Variants in CAMTA1 observed in about 807,000 individuals in gnomAD.
CAMTA1 encodes calmodulin-binding transcription activator 1.
Under a neutral mutation model 170.9 loss-of-function variants are expected in CAMTA1, and 27 were observed. That is an observed-to-expected ratio of 0.16 (90% confidence interval 0.12 to 0.22). The LOEUF (loss-of-function observed/expected upper bound fraction) is 0.22, where lower values mean the gene tolerates loss of function less well. Ranked by LOEUF, CAMTA1 falls within the 10% of genes least tolerant of loss-of-function variation. The pLI is 1.00. For missense variants in CAMTA1, 1,619 were observed against 2,217.2 expected, an observed-to-expected ratio of 0.73 and a Z score of 5.42; for synonymous variants, 833 against 891.5, an observed-to-expected ratio of 0.93 and a Z score of 1.17.
At chr1:7,331,374 C>T (rs1574729478) in intron 5 of CAMTA1, among the ~76,000 whole-genome samples, 1 of 152,122 alleles carries the variant, frequency 6.6e-6, no homozygotes, top group Non-Finnish European at 1.5e-5. Flanking sequence ...GTCTCAGGAC[C>T]CCTTTATACG....
At chr1:6,963,665 C>T (rs1193626211) in intron 3 of CAMTA1, among the ~76,000 whole-genome samples, 4 of 152,188 alleles carry the variant, frequency 2.6e-5, no homozygotes, top group African/African-American at 9.6e-5. Flanking sequence ...TGCACCTGTC[C>T]GCTCTCCGAC....
intron 3 of CAMTA1, among the ~76,000 whole-genome samples, chr1:6,859,199 T>C (rs1393917908): frequency 1.4e-5 from 2 of 146,858 alleles, no homozygotes; most frequent in Non-Finnish European, 2.9e-5. Flanking sequence ...GTAAATCGCG[T>C]GTGTGTTGTA....
chr1:7,202,022 C>G (rs1216060642), intron 4 of CAMTA1, among the ~76,000 whole-genome samples: 3 of 152,182 alleles, frequency 2.0e-5, no homozygotes, highest in Admixed American at 6.5e-5. Flanking sequence ...TTAACTCTTT[C>G]ATTTAGCTCT....
chr1:7,199,034 G>A (rs1656116031), intron 4 of CAMTA1, among the ~76,000 whole-genome samples: 1 of 152,204 alleles, frequency 6.6e-6, no homozygotes, highest in Admixed American at 6.5e-5. Context: ...CCTCCCAGGA[G>A]GGCAGAGGTG....
intron 3 of CAMTA1, among the ~76,000 whole-genome samples, chr1:7,037,430 G>A (rs1443970539): frequency 2.0e-5 from 3 of 152,194 alleles, no homozygotes; most frequent in East Asian, 1.9e-4. Flanking sequence ...GAATCAACGA[G>A]GCATTTGTTC....
At chr1:7,157,635 G>A (rs1349117336) in intron 4 of CAMTA1, among the ~76,000 whole-genome samples, 1 of 152,158 alleles carries the variant, frequency 6.6e-6, no homozygotes, top group Non-Finnish European at 1.5e-5. Flanking sequence ...AAAGTACCTG[G>A]CAGTTTCTTA....
At chr1:7,204,053 T>C (rs1412871731) in intron 4 of CAMTA1, among the ~76,000 whole-genome samples, 7 of 151,940 alleles carry the variant, frequency 4.6e-5, no homozygotes, top group Non-Finnish European at 1.0e-4. Context: ...TTAGCCAAGA[T>C]GGTCTCGATC....
chr1:6,845,647 C>T (rs1570825917), intron 3 of CAMTA1, among the ~76,000 whole-genome samples: 1 of 152,200 alleles, frequency 6.6e-6, no homozygotes, highest in Non-Finnish European at 1.5e-5. Flanking sequence ...AGTGCTGCTT[C>T]TTGGAGATAT....
intron 1 of CAMTA1, among the ~76,000 whole-genome samples, chr1:6,799,595 A>G (rs149882873): frequency 1.6e-4 from 24 of 152,278 alleles, no homozygotes; most frequent in Non-Finnish European, 2.4e-4. Flanking sequence ...CTCTTATGTA[A>G]TGAGATAGTT....
intron 3 of CAMTA1, among the ~76,000 whole-genome samples, chr1:6,995,284 T>TTTTTTC (rs1421844424): frequency 7.0e-6 from 1 of 143,300 alleles, no homozygotes. Flanking sequence ...TTAAAATCTT[T>TTTTTTC]TTTTTCTTTT....
At chr1:6,820,291 G>A (rs750298648) in intron 2 of CAMTA1, 41 bp downstream of exon 2, 69 of 1,610,258 alleles carry the variant, frequency 4.3e-5, no homozygotes, top group Non-Finnish European at 5.5e-5. Context: ...GAAGGGGTGG[G>A]CTTGGCAGTG....
chr1:6,875,202 C>A (rs1407166624), intron 3 of CAMTA1, among the ~76,000 whole-genome samples: 4 of 152,190 alleles, frequency 2.6e-5, no homozygotes, highest in Admixed American at 2.0e-4. Flanking sequence ...GAGCTGCAAA[C>A]CTGGCTGAGC....
chr1:7,000,965 A>G (rs893038680), intron 3 of CAMTA1, among the ~76,000 whole-genome samples: 1 of 152,146 alleles, frequency 6.6e-6, no homozygotes, highest in African/African-American at 2.4e-5. Flanking sequence ...CATTTAAGAA[A>G]CCCAGTTCCC....
intron 5 of CAMTA1, among the ~76,000 whole-genome samples, chr1:7,334,784 C>T (rs1334219644): frequency 6.6e-6 from 1 of 152,132 alleles, no homozygotes; most frequent in Non-Finnish European, 1.5e-5. Flanking sequence ...GGCTGTCATT[C>T]GGTATGCAAA....
intron 3 of CAMTA1, among the ~76,000 whole-genome samples, chr1:6,876,789 A>G (rs1349549821): frequency 6.6e-6 from 1 of 152,220 alleles, no homozygotes; most frequent in Non-Finnish European, 1.5e-5. Context: ...TTTATCTTGA[A>G]GATCTTAGGT....
intron 3 of CAMTA1, among the ~76,000 whole-genome samples, chr1:6,843,194 T>C (rs940812908): frequency 1.3e-5 from 2 of 152,200 alleles, no homozygotes; most frequent in African/African-American, 4.8e-5. Flanking sequence ...CAGCTATTTG[T>C]AACATGTGGG....
chr1:6,879,574 A>G (rs1670871184), intron 3 of CAMTA1, among the ~76,000 whole-genome samples: 1 of 151,968 alleles, frequency 6.6e-6, no homozygotes, highest in Non-Finnish European at 1.5e-5. Context: ...TTGAGTATAC[A>G]ACACAGGTTT....
chr1:7,174,116 A>G (rs1313537025), intron 4 of CAMTA1, among the ~76,000 whole-genome samples: 1 of 152,136 alleles, frequency 6.6e-6, no homozygotes, highest in Non-Finnish European at 1.5e-5. Context: ...ACAGCTGATC[A>G]GGGAGCAGTG....
chr1:7,424,465 TG>T (rs2091767566), intron 5 of CAMTA1, among the ~76,000 whole-genome samples: 1 of 22,752 alleles, frequency 4.4e-5, no homozygotes, highest in African/African-American at 1.6e-4. Context: ...GGGGTGGGGG[TG>T]GGGGACAGCT....
Sources: allele counts gnomAD v4.1 joint callset (sites outside exome capture counted in the v4.1 genomes callset), GRCh38; gene constraint gnomAD v4.1.1; transcripts MANE v1.5; gene names NCBI Gene and HGNC (gene_info 2026-07-23, HGNC 2026-07-21).